USH2A: variants seen among roughly 807,000 people sequenced by gnomAD.
USH2A encodes the protein usherin.
USH2A carries 443 observed loss-of-function variants against 538.9 expected under a neutral mutation model. That is an observed-to-expected ratio of 0.82 (90% confidence interval 0.76 to 0.89). USH2A has a LOEUF of 0.89. Among genes scored for constraint, USH2A ranks in the 40% least tolerant of loss-of-function variants. The probability of loss-of-function intolerance (pLI) is 0.00; values close to 1 mark genes in which losing one functional copy is unlikely to be tolerated. For missense variants in USH2A, 6,633 were observed against 6,324.8 expected (o/e 1.05, Z -1.65); for synonymous variants, 2,413 against 2,273.5 (o/e 1.06, Z -1.75).
At chr1:216,159,716 GT>G (rs1001632867) in intron 21 of USH2A, among the ~76,000 whole-genome samples, 17 of 151,980 alleles carry the variant, frequency 1.1e-4, no homozygotes, top group African/African-American at 3.9e-4. Flanking sequence ...TTCTGTAAGA[GT>G]TTTTTTGTAG....
chr1:215,875,424 G>A (rs767002529), intron 43 of USH2A, among the ~76,000 whole-genome samples: 73 of 151,918 alleles, frequency 4.8e-4, no homozygotes, highest in Non-Finnish European at 9.6e-4. Context: ...ACACAATTTT[G>A]TTATCTGCAC....
intron 55 of USH2A, among the ~76,000 whole-genome samples, 195 bp downstream of exon 55, chr1:215,779,648 T>C (rs1190469265): frequency 6.6e-6 from 1 of 152,224 alleles, no homozygotes; most frequent in Non-Finnish European, 1.5e-5. Context: ...TCTGAAGTTA[T>C]CTGCTGTTGT....
chr1:216,203,527 G>A (rs528627630), intron 16 of USH2A, among the ~76,000 whole-genome samples: 130 of 152,104 alleles, frequency 8.5e-4, no homozygotes, highest in African/African-American at 3.1e-3. Flanking sequence ...CCATGGATAA[G>A]GGGAAACTAC....
rs960259505 is a variant in USH2A at position 216,170,060 on chromosome 1, A to G, written c.4627+5192T>C. On this transcript the variant is annotated intron_variant, in intron 21 of 71. Transcript: ENST00000307340. Reference sequence around the variant, plus strand: ...GGTCAGAATTAATATGCTTTTACTAATTAGTCTATCTGAAGAAGTTTGCCC... The same window carrying G: ...GGTCAGAATTAATATGCTTTTACTAGTTAGTCTATCTGAAGAAGTTTGCCC... 2.6e-5 allele frequency among the ~76,000 whole-genome samples: 4 copies of G among 152,236 alleles called. No homozygotes were observed. The South Asian group carries it at 8.3e-4, about 32-fold the overall frequency.
intron 32 of USH2A, among the ~76,000 whole-genome samples, chr1:216,014,637 T>C (rs922285431): frequency 2.6e-5 from 4 of 152,192 alleles, no homozygotes; most frequent in Non-Finnish European, 4.4e-5. Context: ...ATTTGCTTGA[T>C]TGCATCATTT....
intron 45 of USH2A, 32 bp downstream of exon 45, chr1:215,845,792 T>C (rs1315313008): frequency 1.6e-5 from 26 of 1,600,704 alleles, no homozygotes; most frequent in Non-Finnish European, 2.1e-5. Flanking sequence ...TTCGCATCTC[T>C]GAGGCAAATA....
chr1:216,338,333 C>T (rs2038013661), intron 4 of USH2A, among the ~76,000 whole-genome samples: 1 of 151,432 alleles, frequency 6.6e-6, no homozygotes, highest in Non-Finnish European at 1.5e-5. Flanking sequence ...GCTTGAGATA[C>T]AGTAGAGGTG....
intron 19 of USH2A, among the ~76,000 whole-genome samples, chr1:216,193,732 A>G (rs1030228198): frequency 7.9e-5 from 12 of 152,140 alleles, no homozygotes; most frequent in Admixed American, 1.3e-4. Context: ...GCCACAAGCC[A>G]AGGAACACCA....
At chr1:216,028,932 T>TA (rs1257752335) in intron 32 of USH2A, among the ~76,000 whole-genome samples, 16 of 152,068 alleles carry the variant, frequency 1.1e-4, no homozygotes, top group African/African-American at 3.4e-4. Context: ...GCTTTAATAA[T>TA]AAAAAAACAG....
chr1:216,377,234 A>G (rs893716397), intron 3 of USH2A, among the ~76,000 whole-genome samples: 1 of 152,198 alleles, frequency 6.6e-6, no homozygotes, highest in Non-Finnish European at 1.5e-5. Flanking sequence ...GAATAATACC[A>G]TTATTGTGGC....
At chr1:216,085,507 C>G (rs1342528545) in intron 24 of USH2A, among the ~76,000 whole-genome samples, 4 of 152,030 alleles carry the variant, frequency 2.6e-5, no homozygotes, top group African/African-American at 9.7e-5. Context: ...GAATTTCACA[C>G]AGCCACCTCC....
At chr1:215,663,837 G>A (rs567906664) in intron 64 of USH2A, among the ~76,000 whole-genome samples, 15 of 152,290 alleles carry the variant, frequency 9.8e-5, no homozygotes, top group African/African-American at 3.6e-4. Flanking sequence ...CTCAGAGCAA[G>A]CCTATGAGTC....
rs1157168300 is a variant in USH2A, at chr1:215,836,485, ATAT to A, written c.9371+1503_9371+1505del. Among the ~76,000 whole-genome samples, 17 of 2,862 alleles carry A rather than the reference ATAT, an allele frequency of 5.9e-3. No homozygotes were observed. The East Asian group carries it at 0.28, about 46-fold the overall frequency. 1.9% of individuals were successfully genotyped at this position (2,862 alleles called of 152,430 possible). A position where few individuals can be genotyped will look rare whatever the true frequency, so the allele number is the denominator to read the frequency against. Reference sequence around the variant, plus strand: ...TATATTATATATATATATATAATATATATTATATATATAATATATATTATATAT... The same window carrying A: ...TATATTATATATATATATATAATATATATATATATAATATATATTATATAT... On this transcript the variant is annotated intron_variant, in intron 47 of 71. Coordinates refer to ENST00000307340, the MANE Select transcript of USH2A (RefSeq NM_206933.4).
rs137902779 is a variant in USH2A, at chr1:215,648,656, C to T, written c.14454G>A (p.Pro4818=). Residue 4818 remains proline, a synonymous_variant, in exon 66 of 72, where the codon CCG becomes CCA. Coordinates refer to ENST00000307340, the MANE Select transcript of USH2A (RefSeq NM_206933.4). ...CTCFNCCSKG[P]TAELRTHPAP... ...CAGGATGGGTTCTCAGTTCAGCTGT[C>T]GGTCCTTTGCTGCAACAGTTGAAGC... is the stretch of plus-strand genomic sequence containing the variant. 968 of 1,614,150 alleles carry T rather than the reference C, an allele frequency of 6.0e-4. 7 individuals carry two copies. The African/African-American group carries it at 0.012, about 20-fold the overall frequency.
chr1:215,692,905 G>A (rs1027453901), intron 61 of USH2A, among the ~76,000 whole-genome samples: 10 of 151,106 alleles, frequency 6.6e-5, no homozygotes, highest in African/African-American at 9.7e-5. Context: ...TTTTCTTTTC[G>A]TTTTTAATTT....
Position 216,190,214 on chromosome 1 carries a change from C to T in USH2A, c.4396+9G>A, listed in dbSNP as rs376159076. 3 of 1,611,812 alleles carry T rather than the reference C, an allele frequency of 1.9e-6. No individual in the cohort carries two copies. The highest frequency in any genetic ancestry group is 2.7e-5 in the African/African-American group (2 of 74,886). Reference sequence around the variant, plus strand: ...AACAGATTTTTCATATCCATTAAAACTTGCTTACCTGCTGCTAAAGTTTGT... The same window carrying T: ...AACAGATTTTTCATATCCATTAAAATTTGCTTACCTGCTGCTAAAGTTTGT... On this transcript the variant is annotated intron_variant, in intron 20 of 71. Transcript: ENST00000307340.
intron 38 of USH2A, among the ~76,000 whole-genome samples, chr1:215,930,672 A>G (rs903302050): frequency 1.3e-5 from 2 of 152,020 alleles, no homozygotes; most frequent in Non-Finnish European, 2.9e-5. Context: ...AGAGCCAATT[A>G]GATTTAAGCA....
rs201513512 is a variant in USH2A, at chr1:215,628,953, G to C, written c.15380C>G (p.Pro5127Arg). 1.9e-6 allele frequency: 3 copies of C among 1,613,960 alleles called. No individual in the cohort carries two copies. Among genetic ancestry groups the C allele is most frequent in the Non-Finnish European group, 2.5e-6 (3 of 1,180,048 alleles). Reference sequence around the variant, plus strand: ...GGTTAGGCTGGTTTGGTTTTGACTCGGGATGCGCAGGACACATGCACTCCG... The same window carrying C: ...GGTTAGGCTGGTTTGGTTTTGACTCCGGATGCGCAGGACACATGCACTCCG... ...SNRSACVLRI[P>R]SQNQTSLTYS... The change falls in exon 71 of 72, where the codon CCG (proline) becomes CGG (arginine). Residue 5127 changes from proline (P) to arginine (R), a missense_variant. Pro to Arg is a moderately radical substitution (Grantham distance 103). Coordinates refer to ENST00000307340, the MANE Select transcript of USH2A (RefSeq NM_206933.4).
intron 38 of USH2A, among the ~76,000 whole-genome samples, chr1:215,923,494 G>C (rs1475039355): frequency 6.6e-6 from 1 of 151,988 alleles, no homozygotes; most frequent in African/African-American, 2.4e-5. Flanking sequence ...TACTGTACTG[G>C]TTTACTGCAA....
Sources: gnomAD v4.1 joint callset for allele counts (sites outside exome capture counted in the v4.1 genomes callset) on GRCh38, gnomAD v4.1.1 for gene constraint, MANE v1.5 for transcripts, NCBI Gene and HGNC (gene_info 2026-07-23, HGNC 2026-07-21) for gene names.